Variants in GTF2IRD1 observed in about 807,000 individuals in gnomAD.
GTF2IRD1 encodes the protein general transcription factor II-I repeat domain-containing protein 1.
In GTF2IRD1, 26 loss-of-function variants were observed where a neutral mutation model predicts 113.2. The observed-to-expected ratio is 0.23, with a 90% CI of 0.17 to 0.32. The LOEUF (loss-of-function observed/expected upper bound fraction) is 0.32. GTF2IRD1 is among the 10% of genes least tolerant of loss of function. The probability of loss-of-function intolerance (pLI) is 1.00; values close to 1 mark genes in which losing one functional copy is unlikely to be tolerated. For missense variants in GTF2IRD1, 864 were observed against 1,280.8 expected (o/e 0.67, Z 4.97); for synonymous variants, 484 against 529.1 (o/e 0.91, Z 1.17).
At chr7:74,547,366 C>A in intron 17 of GTF2IRD1, 80 bp downstream of exon 17, 3 of 1,151,320 alleles carry the variant, frequency 2.6e-6, no homozygotes, top group Non-Finnish European at 3.7e-6. Flanking sequence ...AAATTGCCAT[C>A]AAGCAATTCT....
intron 17 of GTF2IRD1, among the ~76,000 whole-genome samples, chr7:74,554,051 C>T (rs1408089805): frequency 1.3e-5 from 2 of 152,138 alleles, no homozygotes; most frequent in African/African-American, 2.4e-5. Context: ...CCAGGGGTGC[C>T]CTCCCTGAGA....
intron 6 of GTF2IRD1, 65 bp from the exon 7 acceptor site, chr7:74,521,143 G>C (rs587666262): frequency 1.1e-6 from 1 of 897,784 alleles, no homozygotes; most frequent in South Asian, 1.3e-5. Flanking sequence ...CTGTGCACTG[G>C]GGCCAGATCT....
intron 1 of GTF2IRD1, among the ~76,000 whole-genome samples, chr7:74,458,615 A>G (rs986926264): frequency 6.6e-6 from 1 of 150,484 alleles, no homozygotes; most frequent in African/African-American, 2.4e-5. Context: ...TTTTGGAGGC[A>G]GAAAGCTTTT....
intron 1 of GTF2IRD1, among the ~76,000 whole-genome samples, chr7:74,499,196 A>T (rs1036378373): frequency 2.5e-4 from 38 of 152,232 alleles, no homozygotes; most frequent in African/African-American, 7.7e-4. Flanking sequence ...CAGCCTTGCC[A>T]CGACCTACCA....
Position 74,519,638 on chromosome 7 carries a change from C to T in GTF2IRD1, c.835C>T (p.Leu279Phe). 6.2e-7 allele frequency: 1 copy of T among 1,611,264 alleles called. No individual in the cohort carries two copies. The highest frequency in any genetic ancestry group is 8.5e-7 in the Non-Finnish European group (1 of 1,179,008). The stretch of plus-strand genomic sequence containing the variant: ...CAAGCAGGAAGCACCTTCCTGCCCC[C>T]TTGCCCCCAGCGACCTGGGCCTGAG... ...ELKQEAPSCPLAPSDLGLSRP... is the reference protein window; with the variant it reads ...ELKQEAPSCPFAPSDLGLSRP... The change falls in exon 6 of 27, where the codon CTT (leucine) becomes TTT (phenylalanine). Residue 279 changes from leucine (L) to phenylalanine (F), a missense_variant. Physicochemically the swap from Leu to Phe is conservative, Grantham distance 22 (BLOSUM62 0). Transcript: ENST00000424337.
intron 1 of GTF2IRD1, among the ~76,000 whole-genome samples, chr7:74,483,366 C>T (rs1405521236): frequency 6.6e-6 from 1 of 151,076 alleles, no homozygotes; most frequent in African/African-American, 2.4e-5. Context: ...AGCAAGGCCC[C>T]ATCTCTAAAA....
chr7:74,461,537 C>G (rs1372537222), intron 1 of GTF2IRD1, among the ~76,000 whole-genome samples: 1 of 152,134 alleles, frequency 6.6e-6, no homozygotes, highest in African/African-American at 2.4e-5. Context: ...GTCCTGGTCC[C>G]CAGCCCCCGG....
At chr7:74,598,092 G>A (rs140882863) in intron 25 of GTF2IRD1, among the ~76,000 whole-genome samples, 18 of 152,234 alleles carry the variant, frequency 1.2e-4, no homozygotes, top group African/African-American at 2.6e-4. Context: ...GCGTGGTGGC[G>A]CGTACCTGTT....
At position 74,601,057 on chromosome 7, in the gene GTF2IRD1, C is replaced by T; in HGVS notation, c.2643C>T (p.Ser881=). The part of the protein sequence containing the change: ...NDAKVPAKDS[S]IPKRKRKRVS... The stretch of plus-strand genomic sequence containing the variant: ...CCCTCCTTCCAGCCAAAGACAGCAG[C>T]ATTCCCAAGCGCAAGAGAAAGCGGG... The change falls in exon 26 of 27, where the codon AGC becomes AGT. Residue 881 remains serine, a synonymous_variant. Coordinates refer to ENST00000424337, the MANE Select transcript of GTF2IRD1 (RefSeq NM_005685.4). 6.2e-7 allele frequency: 1 copy of T among 1,614,180 alleles called. No individual in the cohort carries two copies. Among genetic ancestry groups the T allele is most frequent in the Non-Finnish European group, 8.5e-7 (1 of 1,180,028 alleles).
In GTF2IRD1 at chr7:74,530,864, C is replaced by T. The variant is rs1203475113; in HGVS notation, c.1274+947C>T. Among the ~76,000 whole-genome samples, 7 of 152,252 alleles carry T rather than the reference C, an allele frequency of 4.6e-5. 1 individual carries two copies. Among genetic ancestry groups the T allele is most frequent in the African/African-American group, 1.7e-4 (7 of 41,558 alleles). ...CTGTGCCTCATTTACATAAACCAGG[C>T]CTGATACCAGCCCAGGCAACATGGC... On this transcript the variant is annotated intron_variant, in intron 9 of 26. Transcript: ENST00000424337.
chr7:74,497,866 G>A (rs781833444), intron 1 of GTF2IRD1, among the ~76,000 whole-genome samples: 3 of 152,002 alleles, frequency 2.0e-5, no homozygotes, highest in Non-Finnish European at 4.4e-5. Flanking sequence ...CACCATGCCC[G>A]GCTAATTTTT....
At chr7:74,544,312 A>C (rs1554352555) in intron 14 of GTF2IRD1, among the ~76,000 whole-genome samples, 1 of 152,154 alleles carries the variant, frequency 6.6e-6, no homozygotes, top group African/African-American at 2.4e-5. Flanking sequence ...CAGCCTCCCG[A>C]GTAGCTGGGA....
Position 74,595,091 on chromosome 7 carries a change from G to A in GTF2IRD1, c.2629+40G>A, listed in dbSNP as rs781924647. ...AAGAAGCCACCCTTCTGCTCCGTGG[G>A]GACTAGAGACTGTTCCATTTGAAAA... On this transcript the variant is annotated intron_variant, in intron 25 of 26. Transcript: ENST00000424337. The A allele has an allele frequency of 1.7e-5, 25 of 1,470,910 alleles. No homozygotes were observed. The African/African-American group carries it at 2.6e-4, about 16-fold the overall frequency. 91.1% of individuals were successfully genotyped at this position (1,470,910 alleles called of 1,614,324 possible).
chr7:74,502,605 G>T (rs1008442030), intron 1 of GTF2IRD1, among the ~76,000 whole-genome samples: 8 of 152,238 alleles, frequency 5.3e-5, no homozygotes, highest in African/African-American at 1.7e-4. Flanking sequence ...CCAGCCTGGA[G>T]GCAGCCCTGC....
intron 1 of GTF2IRD1, among the ~76,000 whole-genome samples, chr7:74,475,113 G>A (rs1190181552): frequency 2.0e-5 from 3 of 152,108 alleles, no homozygotes; most frequent in Non-Finnish European, 2.9e-5. Context: ...TAAGTAGCTG[G>A]ACACGATGGC....
intron 8 of GTF2IRD1, among the ~76,000 whole-genome samples, chr7:74,527,700 G>A (rs1797686116): frequency 6.6e-6 from 1 of 152,102 alleles, no homozygotes; most frequent in Admixed American, 6.6e-5. Context: ...AAATTAGCTG[G>A]GCGTGGTGGC....
rs565436807 is a variant in GTF2IRD1, at chr7:74,507,913, T to G, written c.-6-162T>G. 3.3e-5 allele frequency among the ~76,000 whole-genome samples: 5 copies of G among 152,270 alleles called. No individual in the cohort carries two copies. The East Asian group carries it at 9.6e-4, about 29-fold the overall frequency. On this transcript the variant is annotated intron_variant, in intron 1 of 26. Coordinates refer to ENST00000424337, the MANE Select transcript of GTF2IRD1 (RefSeq NM_005685.4). ...CCTGTGCCCAGGCCTGTGCAGGCTC[T>G]AATCCCATCACACATAAAGCCCTTG...
chr7:74,591,241 G>A (rs1344876490), intron 24 of GTF2IRD1, among the ~76,000 whole-genome samples: 2 of 151,426 alleles, frequency 1.3e-5, no homozygotes, highest in African/African-American at 2.4e-5. Context: ...AACAAAACAT[G>A]TTTTAATTAA....
At chr7:74,509,393 C>T (rs946808385) in intron 2 of GTF2IRD1, among the ~76,000 whole-genome samples, 1 of 151,324 alleles carries the variant, frequency 6.6e-6, no homozygotes, top group Admixed American at 6.6e-5. Context: ...ATTAGACTGG[C>T]ATGGTGGCAC....
Sources: allele counts gnomAD v4.1 joint callset (sites outside exome capture counted in the v4.1 genomes callset), GRCh38; gene constraint gnomAD v4.1.1; transcripts MANE v1.5; gene names NCBI Gene and HGNC (gene_info 2026-07-23, HGNC 2026-07-21).